Variants in PPP6R2 observed in about 807,000 individuals in gnomAD.
The protein encoded by PPP6R2 is protein phosphatase 6 regulatory subunit 2.
PPP6R2 carries 62 observed loss-of-function variants against 100.2 expected under a neutral mutation model. The observed-to-expected ratio is 0.62, with a 90% CI of 0.50 to 0.76. The LOEUF (loss-of-function observed/expected upper bound fraction) is 0.76. Among genes scored for constraint, PPP6R2 ranks in the 30% least tolerant of loss-of-function variants. The pLI is 0.00. For missense variants in PPP6R2, 1,142 were observed against 1,276.3 expected, an observed-to-expected ratio of 0.89 and a Z score of 1.60; for synonymous variants, 525 against 514.7, an observed-to-expected ratio of 1.02 and a Z score of -0.27.
chr22:50,367,227 A>T (rs142304789), intron 1 of PPP6R2, among the ~76,000 whole-genome samples: 182 of 152,136 alleles, frequency 1.2e-3, no homozygotes, highest in African/African-American at 4.1e-3. Context: ...AGGAGGGCAG[A>T]GGTGGCTTTC....
chr22:50,421,814 G>T (rs537683441), intron 8 of PPP6R2, among the ~76,000 whole-genome samples: 1 of 152,264 alleles, frequency 6.6e-6, no homozygotes, highest in East Asian at 1.9e-4. Flanking sequence ...GTTGCAGTGA[G>T]CTAAGATCGC....
At chr22:50,404,790 G>C (rs2058592690) in intron 3 of PPP6R2, among the ~76,000 whole-genome samples, 2 of 152,094 alleles carry the variant, frequency 1.3e-5, no homozygotes, top group African/African-American at 4.8e-5. Flanking sequence ...CAGGTCACTT[G>C]CTGGTGTCAG....
At chr22:50,404,704 C>T (rs1412027442) in intron 3 of PPP6R2, among the ~76,000 whole-genome samples, 2 of 149,770 alleles carry the variant, frequency 1.3e-5, no homozygotes, top group Non-Finnish European at 3.0e-5. Context: ...TCCCAAAGTG[C>T]TGGGGTTATA....
intron 12 of PPP6R2, among the ~76,000 whole-genome samples, chr22:50,433,156 G>A (rs1448192333): frequency 6.6e-6 from 1 of 151,908 alleles, no homozygotes; most frequent in Non-Finnish European, 1.5e-5. Context: ...AAGTGTCCTG[G>A]AGGAGGGCAG....
At chr22:50,338,692 G>C (rs796633617), upstream of PPP6R2, among the ~76,000 whole-genome samples, 1 of 147,030 alleles carries the variant, frequency 6.8e-6, no homozygotes, top group Admixed American at 6.8e-5. Flanking sequence ...TATGTGGTGT[G>C]TGTGGTGTGT....
chr22:50,412,312 A>G (rs1353598459), intron 4 of PPP6R2, among the ~76,000 whole-genome samples: 2 of 147,060 alleles, frequency 1.4e-5, no homozygotes, highest in South Asian at 4.4e-4. Context: ...ATGCCTCAAC[A>G]TTCCGAGTAG....
At chr22:50,336,990 T>G in the PPP6R2 span, among the ~76,000 whole-genome samples, 1 of 152,126 alleles carries the variant, frequency 6.6e-6, no homozygotes, top group Non-Finnish European at 1.5e-5. Flanking sequence ...TTGATAATAT[T>G]TTTATATCAA....
intron 12 of PPP6R2, among the ~76,000 whole-genome samples, chr22:50,434,166 A>G (rs747646399): frequency 2.8e-3 from 83 of 30,038 alleles, no homozygotes; most frequent in South Asian, 4.2e-3. Context: ...CCGGGGGCGC[A>G]GACGCTGGGC....
At position 50,357,057 on chromosome 22, in the gene PPP6R2, C is replaced by T. The variant is rs147927962; in HGVS notation, c.-148+13507C>T. On this transcript the variant is annotated intron_variant, in intron 1 of 23. Coordinates refer to ENST00000612753, the MANE Select transcript of PPP6R2 (RefSeq NM_001242898.2). ...CCTATGACAGCACTTAGCCTTTTTA[C>T]TTTTAGCCATTCAGGCGGTAGTGGT... Among the ~76,000 whole-genome samples, 680 of 152,234 alleles carry T rather than the reference C, an allele frequency of 4.5e-3. 1 individual carries two copies. Among genetic ancestry groups the T allele is most frequent in the Middle Eastern group, 0.02 (6 of 294 alleles).
intron 1 of PPP6R2, among the ~76,000 whole-genome samples, chr22:50,368,358 AC>A (rs1569306904): frequency 1.3e-5 from 2 of 152,122 alleles, no homozygotes; most frequent in Non-Finnish European, 2.9e-5. Context: ...TGGCGCTACC[AC>A]TAGACCAAGG....
In PPP6R2 at chr22:50,423,329, G is replaced by T; in HGVS notation, c.973-133G>T. On this transcript the variant is annotated intron_variant, in intron 9 of 23. Coordinates refer to ENST00000612753, the MANE Select transcript of PPP6R2 (RefSeq NM_001242898.2). The surrounding 1 kb of genome is among the most constrained non-coding windows in gnomAD (Gnocchi z 4.8). ...TTTCTTCTGGCAGACGGCCCTCCCT[G>T]AGGAACCCCCACCACATACCTCGCT... The T allele has an allele frequency of 9.3e-7, 1 of 1,069,738 alleles. No homozygotes were observed. The highest frequency in any genetic ancestry group is 1.6e-5 in the African/African-American group (1 of 62,940). 66.3% of individuals were successfully genotyped at this position (1,069,738 alleles called of 1,614,324 possible).
chr22:50,444,253 C>T lies in PPP6R2; in HGVS notation c.*6C>T, dbSNP rs1472553209. On this transcript the variant is annotated 3_prime_UTR_variant, in exon 24 of 24. Coordinates refer to ENST00000612753, the MANE Select transcript of PPP6R2 (RefSeq NM_001242898.2). Reference sequence around the variant, plus strand: ...CCTTAAATGGCCCAGTGTGATGCTGCTGCCGCCCGGCCACGGCCCACCCTG... The same window carrying T: ...CCTTAAATGGCCCAGTGTGATGCTGTTGCCGCCCGGCCACGGCCCACCCTG... 6.2e-7 allele frequency: 1 copy of T among 1,612,560 alleles called. No homozygotes were observed. Among genetic ancestry groups the T allele is most frequent in the Non-Finnish European group, 8.5e-7 (1 of 1,179,778 alleles).
intron 3 of PPP6R2, among the ~76,000 whole-genome samples, chr22:50,401,826 G>C (rs1220367672): frequency 6.6e-6 from 1 of 151,428 alleles, no homozygotes; most frequent in Non-Finnish European, 1.5e-5. Context: ...AGTAGAGACA[G>C]GGTTTCACCG....
upstream of PPP6R2, among the ~76,000 whole-genome samples, chr22:50,341,470 C>T (rs2042379148): frequency 6.6e-6 from 1 of 151,558 alleles, no homozygotes; most frequent in South Asian, 2.1e-4. Context: ...TCCTGAAGTG[C>T]TGGGATTACA....
chr22:50,401,909 C>T (rs755079035), intron 3 of PPP6R2, among the ~76,000 whole-genome samples: 46 of 152,220 alleles, frequency 3.0e-4, no homozygotes, highest in Non-Finnish European at 5.9e-4. Context: ...GCTGGGGTTA[C>T]AGGCGTGAGC....
At chr22:50,382,442 C>CA (rs1402110389) in intron 2 of PPP6R2, among the ~76,000 whole-genome samples, 8 of 149,194 alleles carry the variant, frequency 5.4e-5, no homozygotes, top group Admixed American at 4.7e-4. Context: ...ACTAAAAATA[C>CA]AAAAACTAAG....
chr22:50,394,913 C>CAAAAAAA (rs57028687), intron 3 of PPP6R2, among the ~76,000 whole-genome samples: 2 of 76,440 alleles, frequency 2.6e-5, no homozygotes, highest in Non-Finnish European at 2.6e-5. Flanking sequence ...GACTCTGTCT[C>CAAAAAAA]AAAAAAAAAA....
At chr22:50,429,387 C>T (rs1333110364) in intron 10 of PPP6R2, among the ~76,000 whole-genome samples, 1 of 152,106 alleles carries the variant, frequency 6.6e-6, no homozygotes, top group African/African-American at 2.4e-5. Context: ...ATTTGGCTTT[C>T]GTCCTTTATC....
chr22:50,371,125 C>T (rs1284048867), intron 1 of PPP6R2, among the ~76,000 whole-genome samples: 1 of 152,150 alleles, frequency 6.6e-6, no homozygotes, highest in Non-Finnish European at 1.5e-5. Context: ...AAACATAATA[C>T]TCCACCCATC....
Sources: gnomAD v4.1 joint callset for allele counts (sites outside exome capture counted in the v4.1 genomes callset) on GRCh38, gnomAD v4.1.1 for gene constraint, Gnocchi (gnomAD v3.1) non-coding constraint, MANE v1.5 for transcripts, NCBI Gene and HGNC (gene_info 2026-07-23, HGNC 2026-07-21) for gene names.